The following GK5 variants were observed in gnomAD, a reference collection of about 807,000 sequenced individuals.
The protein encoded by GK5 is ATP:glycerol 3-phosphotransferase 5.
Under a neutral mutation model 77.3 loss-of-function variants are expected in GK5, and 39 were observed. The observed-to-expected ratio is 0.50, with a 90% CI of 0.39 to 0.66. GK5 has a LOEUF of 0.66. Ranked by LOEUF, GK5 falls within the 30% of genes least tolerant of loss-of-function variation. The probability of loss-of-function intolerance (pLI) is 0.00; values close to 1 mark genes in which losing one functional copy is unlikely to be tolerated. For synonymous variants in GK5, 211 were observed against 208.0 expected (o/e 1.01, Z -0.13); for missense variants, 487 against 633.8 (o/e 0.77, Z 2.49).
chr3:142,213,342 AT>A (rs2064222666), intron 3 of GK5, among the ~76,000 whole-genome samples, 183 bp downstream of exon 3: 1 of 152,218 alleles, frequency 6.6e-6, no homozygotes, highest in Non-Finnish European at 1.5e-5. Context: ...ATTATATAAT[AT>A]AAGTCAAGCC....
At chr3:142,177,295 G>A (rs954523033) in intron 12 of GK5, among the ~76,000 whole-genome samples, 187 bp downstream of exon 12, 1 of 152,168 alleles carries the variant, frequency 6.6e-6, no homozygotes, top group Non-Finnish European at 1.5e-5. Context: ...CCACATTCAG[G>A]ATGCTCTGCT....
In GK5 at chr3:142,158,956, G is replaced by A. The variant is rs1406927600; in HGVS notation, c.*6666C>T. 1.3e-5 allele frequency: 2 copies of A among 152,100 alleles called. No individual in the cohort carries two copies. The highest frequency in any genetic ancestry group is 2.9e-5 in the Non-Finnish European group (2 of 68,032). 9.4% of individuals were successfully genotyped at this position (152,100 alleles called of 1,614,324 possible). On this transcript the variant is annotated 3_prime_UTR_variant, in exon 16 of 16. Transcript: ENST00000392993. ...AGTACAGTGTAAATATGTTCAAAAT[G>A]CTATACACATTTTGCCTGGAAAGAT...
In GK5 at chr3:142,158,370, G is replaced by A. The variant is rs2063399096; in HGVS notation, c.*7252C>T. On this transcript the variant is annotated 3_prime_UTR_variant, in exon 16 of 16. Transcript: ENST00000392993. Reference sequence around the variant, plus strand: ...TGGGAATAGAAGAGCATGCCACTGTGTCTGGCTTCTCTGTGACTTTCTTAA... The same window carrying A: ...TGGGAATAGAAGAGCATGCCACTGTATCTGGCTTCTCTGTGACTTTCTTAA... 6.6e-6 allele frequency: 1 copy of A among 152,218 alleles called. No individual in the cohort carries two copies. Among genetic ancestry groups the A allele is most frequent in the African/African-American group, 2.4e-5 (1 of 41,434 alleles). 9.4% of individuals were successfully genotyped at this position (152,218 alleles called of 1,614,324 possible). A position where few individuals can be genotyped will look rare whatever the true frequency, so the allele number is the denominator to read the frequency against.
chr3:142,210,687 C>G (rs932312088), intron 3 of GK5, among the ~76,000 whole-genome samples: 1 of 152,214 alleles, frequency 6.6e-6, no homozygotes, highest in Non-Finnish European at 1.5e-5. Flanking sequence ...AGGAAGAAGT[C>G]TTATCCCTCT....
chr3:142,203,230 G>A (rs2064054037), intron 4 of GK5, among the ~76,000 whole-genome samples: 2 of 151,990 alleles, frequency 1.3e-5, no homozygotes, highest in African/African-American at 4.8e-5. Context: ...ACAAGTTATT[G>A]CAGCAAGGTA....
At chr3:142,186,076 A>G in intron 8 of GK5, 87 bp from the exon 9 acceptor site, 1 of 1,222,918 alleles carries the variant, frequency 8.2e-7, no homozygotes, top group Non-Finnish European at 1.2e-6. Flanking sequence ...GCATAAGCCA[A>G]AAAGTTACAT....
At chr3:142,222,002 G>T (rs1333575757) in intron 1 of GK5, among the ~76,000 whole-genome samples, 7 of 152,184 alleles carry the variant, frequency 4.6e-5, no homozygotes, top group African/African-American at 1.7e-4. Flanking sequence ...TACACTAAGA[G>T]GTTTTAGGTT....
Position 142,158,037 on chromosome 3 carries a change from C to T in GK5, c.*7585G>A, listed in dbSNP as rs1326099633. The stretch of plus-strand genomic sequence containing the variant: ...CGCGATCTCAGCTCACTGCAAGCTC[C>T]GCCTCCTGGGTTCATGCCATTCTCT... On this transcript the variant is annotated 3_prime_UTR_variant, in exon 16 of 16. Coordinates refer to ENST00000392993, the MANE Select transcript of GK5 (RefSeq NM_001039547.3). 1.3e-5 allele frequency: 2 copies of T among 151,890 alleles called. No homozygotes were observed. Among genetic ancestry groups the T allele is most frequent in the Non-Finnish European group, 2.9e-5 (2 of 68,022 alleles). The allele number at this position is 151,890 out of a possible 1,614,324, so 9.4% of individuals were successfully genotyped here. A position where few individuals can be genotyped will look rare whatever the true frequency, so the allele number is the denominator to read the frequency against.
chr3:142,168,081 G>A (rs76687646), intron 15 of GK5, among the ~76,000 whole-genome samples: 4,598 of 152,268 alleles, frequency 0.03, 186 homozygotes, highest in African/African-American at 0.089. Flanking sequence ...CATTTTAAAT[G>A]TTCAAGAGAA....
At position 142,162,963 on chromosome 3, in the gene GK5, T is replaced by C. The variant is rs2063436623; in HGVS notation, c.*2659A>G. The C allele has an allele frequency of 7.2e-6, 1 of 138,242 alleles. No homozygotes were observed. The highest frequency in any genetic ancestry group is 2.8e-5 in the African/African-American group (1 of 35,892). 8.6% of individuals were successfully genotyped at this position (138,242 alleles called of 1,614,324 possible). A position where few individuals can be genotyped will look rare whatever the true frequency, so the allele number is the denominator to read the frequency against. ...GTGAGCCGAGATCATGCCACTGCACTCCAGCCTGGGCAACAGAGCATGACA... is the reference window on the plus strand; with the variant it reads ...GTGAGCCGAGATCATGCCACTGCACCCCAGCCTGGGCAACAGAGCATGACA... On this transcript the variant is annotated 3_prime_UTR_variant, in exon 16 of 16. Coordinates refer to ENST00000392993, the MANE Select transcript of GK5 (RefSeq NM_001039547.3).
Position 142,207,719 on chromosome 3 carries a change from G to A in GK5, c.318-2931C>T, listed in dbSNP as rs113219040. ...TGTTGGCACCGCAGGACCAGAAGGC[G>A]GTGACCCCCCTGGACCCAGCTTTCA... On this transcript the variant is annotated intron_variant, in intron 3 of 15. Transcript: ENST00000392993. 2.4e-3 allele frequency among the ~76,000 whole-genome samples: 363 copies of A among 152,186 alleles called. 3 individuals are homozygous for A. Among genetic ancestry groups the A allele is most frequent in the African/African-American group, 8.2e-3 (340 of 41,504 alleles).
At chr3:142,166,643 C>T (rs1250093689) in intron 15 of GK5, among the ~76,000 whole-genome samples, 1 of 149,786 alleles carries the variant, frequency 6.7e-6, no homozygotes, top group Non-Finnish European at 1.5e-5. Context: ...AAGCAATTAT[C>T]CTGCCTGGGC....
chr3:142,215,783 T>C, intron 1 of GK5, 91 bp from the exon 2 acceptor site: 1 of 610,358 alleles, frequency 1.6e-6, no homozygotes, highest in Admixed American at 3.3e-5. Context: ...TTAAAATAAT[T>C]AACATGATTT....
chr3:142,224,659 T>C (rs1278777150), intron 1 of GK5, among the ~76,000 whole-genome samples: 1 of 152,138 alleles, frequency 6.6e-6, no homozygotes, highest in Non-Finnish European at 1.5e-5. Context: ...AGAAAACTGA[T>C]GACCACACAG....
intron 3 of GK5, among the ~76,000 whole-genome samples, chr3:142,206,029 A>G (rs549471275): frequency 7.2e-5 from 11 of 152,336 alleles, no homozygotes; most frequent in African/African-American, 2.6e-4. Flanking sequence ...TATTTGGCTT[A>G]CTTCACGTAG....
At chr3:142,201,928 G>C (rs1179547826) in intron 4 of GK5, among the ~76,000 whole-genome samples, 1 of 152,154 alleles carries the variant, frequency 6.6e-6, no homozygotes. Flanking sequence ...CAACATAAGA[G>C]ATTGAGGGCA....
intron 5 of GK5, among the ~76,000 whole-genome samples, 166 bp from the exon 6 acceptor site, chr3:142,187,945 G>C (rs1044463140): frequency 6.6e-6 from 1 of 152,022 alleles, no homozygotes; most frequent in African/African-American, 2.4e-5. Flanking sequence ...TTATTATATA[G>C]GGCATGAGAT....
In GK5 at chr3:142,184,975, T is replaced by C. The variant is rs931354319; in HGVS notation, c.816+954A>G. 3 of 985,412 alleles carry C rather than the reference T, an allele frequency of 3.0e-6. No individual in the cohort carries two copies. The African/African-American group carries it at 5.2e-5, about 17-fold the overall frequency. 61.0% of individuals were successfully genotyped at this position (985,412 alleles called of 1,614,324 possible). ...AAGACCGATCCTCTCTAAATGATAA[T>C]GATTTTGTAACTTGGAAATTAAATT... On this transcript the variant is annotated intron_variant, in intron 9 of 15. Coordinates refer to ENST00000392993, the MANE Select transcript of GK5 (RefSeq NM_001039547.3).
At chr3:142,187,623 T>G in intron 6 of GK5, 81 bp downstream of exon 6, 1 of 934,514 alleles carries the variant, frequency 1.1e-6, no homozygotes, top group South Asian at 1.6e-5. Context: ...AAAAAAAAAG[T>G]AACTTCTACT....
Sources: allele counts gnomAD v4.1 joint callset (sites outside exome capture counted in the v4.1 genomes callset), GRCh38; gene constraint gnomAD v4.1.1; transcripts MANE v1.5; gene names NCBI Gene and HGNC (gene_info 2026-07-23, HGNC 2026-07-21).